The following KATNAL2 variants were observed in gnomAD, a reference collection of about 807,000 sequenced individuals.
KATNAL2 encodes the protein katanin catalytic subunit A1 like 2, also known as katanin p60 ATPase-containing subunit A-like 2.
In KATNAL2, 52 loss-of-function variants were observed where a neutral mutation model predicts 76.3. That is an observed-to-expected ratio of 0.68 (90% CI 0.55 to 0.86). The LOEUF is 0.86. Among genes scored for constraint, KATNAL2 ranks in the 40% least tolerant of loss-of-function variants. The probability of loss-of-function intolerance (pLI) is 0.00; values close to 1 mark genes in which losing one functional copy is unlikely to be tolerated. For synonymous variants in KATNAL2, 243 were observed against 244.2 expected, an observed-to-expected ratio of 1.00 and a Z score of 0.05; for missense variants, 660 against 668.9, an observed-to-expected ratio of 0.99 and a Z score of 0.15.
intron 3 of KATNAL2, chr18:47,034,692 CT>C: frequency 6.2e-7 from 1 of 1,613,118 alleles, no homozygotes; most frequent in Non-Finnish European, 8.5e-7. Context: ...TTCCGGGTTG[CT>C]TCCCGGGCGC....
At chr18:46,927,200 C>T (rs2058755047) in intron 1 of KATNAL2, among the ~76,000 whole-genome samples, 1 of 152,122 alleles carries the variant, frequency 6.6e-6, no homozygotes, top group African/African-American at 2.4e-5. Context: ...TACAATTTGG[C>T]ATGTTTTTGC....
chr18:47,033,179 C>G (rs750279246), intron 3 of KATNAL2: 6 of 1,614,084 alleles, frequency 3.7e-6, no homozygotes, highest in Non-Finnish European at 1.7e-6. Context: ...CTGCTGCTGT[C>G]TCTGCCACCG....
intron 15 of KATNAL2, among the ~76,000 whole-genome samples, chr18:47,091,724 C>T (rs1418917022): frequency 6.6e-6 from 1 of 152,152 alleles, no homozygotes; most frequent in Non-Finnish European, 1.5e-5. Flanking sequence ...TTGTTTTCCA[C>T]ATCATCTACA....
intron 3 of KATNAL2, among the ~76,000 whole-genome samples, chr18:46,959,363 A>G (rs2059863030): frequency 6.6e-6 from 1 of 152,190 alleles, no homozygotes; most frequent in Non-Finnish European, 1.5e-5. Flanking sequence ...TGTGGCTGCT[A>G]TTGAACCACT....
At position 47,069,203 on chromosome 18, in the gene KATNAL2, G is replaced by A. The variant is rs771865455; in HGVS notation, c.826-17G>A. On this transcript the variant is annotated splice_polypyrimidine_tract_variant and intron_variant, in intron 11 of 17. Coordinates refer to ENST00000683218, the MANE Select transcript of KATNAL2 (RefSeq NM_001387690.1). ...TGTGTTGGTACCAAACCTCATCCTT[G>A]TTCCTTGTTTCCTTAGTATCCACAG... 22 of 1,598,212 alleles carry A rather than the reference G, an allele frequency of 1.4e-5. No individual in the cohort carries two copies. The highest frequency in any genetic ancestry group is 5.1e-5 in the Admixed American group (3 of 59,188).
chr18:47,039,795 A>C (rs770376785), intron 3 of KATNAL2, among the ~76,000 whole-genome samples: 4 of 152,196 alleles, frequency 2.6e-5, no homozygotes, highest in Non-Finnish European at 5.9e-5. Flanking sequence ...AGCAACTAAC[A>C]GCTATTGGGC....
intron 4 of KATNAL2, among the ~76,000 whole-genome samples, chr18:47,047,855 C>T (rs1260741070): frequency 1.3e-5 from 2 of 152,126 alleles, no homozygotes; most frequent in Non-Finnish European, 2.9e-5. Context: ...ACTACAGGCA[C>T]ATGCCACCAT....
intron 3 of KATNAL2, among the ~76,000 whole-genome samples, chr18:46,948,413 A>ACTT (rs955855035): frequency 1.4e-5 from 2 of 145,262 alleles, no homozygotes; most frequent in African/African-American, 2.5e-5. Context: ...TGCCTGGCCG[A>ACTT]CTTCTTCTTC....
intron 1 of KATNAL2, among the ~76,000 whole-genome samples, chr18:46,938,979 G>C (rs1420340728): frequency 6.6e-6 from 1 of 152,076 alleles, no homozygotes; most frequent in Non-Finnish European, 1.5e-5. Flanking sequence ...TGAAGGCAGG[G>C]ACTTTATTCT....
At chr18:46,957,341 C>T (rs1248811113) in intron 3 of KATNAL2, among the ~76,000 whole-genome samples, 1 of 149,834 alleles carries the variant, frequency 6.7e-6, no homozygotes, top group Non-Finnish European at 1.5e-5. Flanking sequence ...GCAGGCTCCG[C>T]CCCCCGGGGT....
chr18:47,082,839 A>C (rs990027351), intron 15 of KATNAL2, among the ~76,000 whole-genome samples: 2 of 152,126 alleles, frequency 1.3e-5, no homozygotes, highest in African/African-American at 2.4e-5. Context: ...ATGTGCATGA[A>C]AGTATGGTAG....
chr18:47,040,724 G>A (rs561531154), intron 3 of KATNAL2, among the ~76,000 whole-genome samples: 251 of 152,210 alleles, frequency 1.6e-3, no homozygotes, highest in South Asian at 3.7e-3. Context: ...ACTTCAGCCC[G>A]GGTGTTCAAG....
chr18:47,034,624 T>C (rs1296102765), intron 3 of KATNAL2: 1 of 1,614,116 alleles, frequency 6.2e-7, no homozygotes, highest in East Asian at 2.2e-5. Context: ...CCCCTGGGGT[T>C]GGCCCTGGCA....
In KATNAL2 at chr18:47,077,324, G is replaced by C. The variant is rs372744749; in HGVS notation, c.1101-27G>C. On this transcript the variant is annotated intron_variant, in intron 14 of 17. Coordinates refer to ENST00000683218, the MANE Select transcript of KATNAL2 (RefSeq NM_001387690.1). The stretch of plus-strand genomic sequence containing the variant: ...ATGAGGGCGAAGGCTCTGACACTTA[G>C]GAGAATCACGTCTTGTCTCTCTGTA... 446 of 1,549,606 alleles carry C rather than the reference G, an allele frequency of 2.9e-4. 1 individual carries two copies. Among genetic ancestry groups the C allele is most frequent in the Middle Eastern group, 1.8e-3 (11 of 5,952 alleles).
intron 1 of KATNAL2, chr18:46,919,954 T>G (rs2058440611): frequency 1.5e-6 from 1 of 678,472 alleles, no homozygotes; most frequent in Non-Finnish European, 2.3e-6. Flanking sequence ...AATAGACGAA[T>G]AGAGTACAAT....
At chr18:47,041,842 T>C (rs368032349) in intron 3 of KATNAL2, among the ~76,000 whole-genome samples, 10 of 152,232 alleles carry the variant, frequency 6.6e-5, no homozygotes, top group East Asian at 5.8e-4. Context: ...CAGCAATCAG[T>C]GAGTTTCTGT....
At chr18:46,926,502 C>T (rs968107258) in intron 1 of KATNAL2, among the ~76,000 whole-genome samples, 28 of 152,090 alleles carry the variant, frequency 1.8e-4, no homozygotes, top group Admixed American at 1.6e-3. Flanking sequence ...GCTTTACTTC[C>T]AACTATGTGG....
At chr18:46,960,427 CA>C (rs754973661) in intron 3 of KATNAL2, among the ~76,000 whole-genome samples, 5,783 of 140,342 alleles carry the variant, frequency 0.041, 94 homozygotes, top group African/African-American at 0.047. Flanking sequence ...AGCGAAACTT[CA>C]AAAAAAAAAA....
chr18:46,920,988 A>T (rs72917116), intron 1 of KATNAL2, among the ~76,000 whole-genome samples: 1,679 of 152,304 alleles, frequency 0.011, 17 homozygotes, highest in Non-Finnish European at 0.017. Context: ...CAATGGTAAA[A>T]TGTTTTAGTG....
Sources: gnomAD v4.1 joint callset for allele counts (sites outside exome capture counted in the v4.1 genomes callset) on GRCh38, gnomAD v4.1.1 for gene constraint, MANE v1.5 for transcripts, NCBI Gene and HGNC (gene_info 2026-07-23, HGNC 2026-07-21) for gene names.